BBX: variants seen among roughly 807,000 people sequenced by gnomAD.
BBX encodes the protein BBX high mobility group box domain containing.
BBX carries 30 observed loss-of-function variants against 100.2 expected under a neutral mutation model. That is an observed-to-expected ratio of 0.30 (90% confidence interval 0.22 to 0.41). The LOEUF (loss-of-function observed/expected upper bound fraction) is 0.41. Among genes scored for constraint, BBX ranks in the 10% least tolerant of loss-of-function variants. BBX has a pLI of 1.00. For missense variants in BBX, 1,023 were observed against 1,129.8 expected (o/e 0.91, Z 1.35); for synonymous variants, 376 against 388.1 (o/e 0.97, Z 0.37).
At chr3:107,529,502 C>T (rs1316231155) in intron 2 of BBX, among the ~76,000 whole-genome samples, 1 of 152,214 alleles carries the variant, frequency 6.6e-6, no homozygotes, top group East Asian at 1.9e-4. Flanking sequence ...CACTGAGCAA[C>T]ACTGCTATGA....
intron 7 of BBX, among the ~76,000 whole-genome samples, chr3:107,737,890 T>TTTTTTG (rs1448183534): frequency 1.5e-5 from 2 of 130,416 alleles, no homozygotes; most frequent in Admixed American, 8.3e-5. Context: ...TCCAGTTTTT[T>TTTTTTG]TTTTTTTTTT....
intron 2 of BBX, among the ~76,000 whole-genome samples, chr3:107,537,592 G>A (rs1192348270): frequency 6.6e-6 from 1 of 152,184 alleles, no homozygotes; most frequent in African/African-American, 2.4e-5. Flanking sequence ...TCTTCAATCT[G>A]TGCTTACAGT....
At chr3:107,633,786 A>G (rs2056691893) in intron 2 of BBX, among the ~76,000 whole-genome samples, 1 of 152,180 alleles carries the variant, frequency 6.6e-6, no homozygotes, top group Non-Finnish European at 1.5e-5. Context: ...CCACCATACA[A>G]AATTATGTCT....
chr3:107,624,800 C>T (rs2056053093), intron 2 of BBX, among the ~76,000 whole-genome samples: 1 of 152,120 alleles, frequency 6.6e-6, no homozygotes, highest in African/African-American at 2.4e-5. Flanking sequence ...ACCCGGGAGG[C>T]GGAGGTTGCA....
chr3:107,790,292 C>A (rs1189813952), intron 14 of BBX, among the ~76,000 whole-genome samples: 2 of 152,122 alleles, frequency 1.3e-5, no homozygotes. Context: ...TGTGAAAGTG[C>A]CCCCGTTTCT....
At chr3:107,757,913 GA>G (rs1406747806) in intron 10 of BBX, among the ~76,000 whole-genome samples, 1 of 152,150 alleles carries the variant, frequency 6.6e-6, no homozygotes, top group Admixed American at 6.5e-5. Flanking sequence ...AAGTCACCAA[GA>G]AACTACTTCC....
At chr3:107,750,542 T>G (rs56034100) in intron 9 of BBX, among the ~76,000 whole-genome samples, 2,649 of 152,268 alleles carry the variant, frequency 0.017, 71 homozygotes, top group African/African-American at 0.06. Flanking sequence ...GCTGTAAATG[T>G]TATATGTGTT....
intron 2 of BBX, among the ~76,000 whole-genome samples, chr3:107,613,937 C>A (rs2055041877): frequency 7.1e-6 from 1 of 140,442 alleles, no homozygotes. Flanking sequence ...GTCAACATAC[C>A]ATGGTTTTTT....
At chr3:107,612,546 G>T (rs1223454428) in intron 2 of BBX, among the ~76,000 whole-genome samples, 3 of 152,166 alleles carry the variant, frequency 2.0e-5, no homozygotes, top group Non-Finnish European at 2.9e-5. Flanking sequence ...AATTCTCTGG[G>T]TTAGCAGGCA....
intron 2 of BBX, among the ~76,000 whole-genome samples, chr3:107,551,467 G>T (rs1045621193): frequency 6.6e-6 from 1 of 152,172 alleles, no homozygotes; most frequent in Non-Finnish European, 1.5e-5. Flanking sequence ...TTTTGTTGGG[G>T]GAAGCATTCT....
At chr3:107,743,397 G>T (rs2064278012) in intron 7 of BBX, among the ~76,000 whole-genome samples, 1 of 152,156 alleles carries the variant, frequency 6.6e-6, no homozygotes. Context: ...TCCTTGGTGG[G>T]ACATTTGGCA....
intron 2 of BBX, among the ~76,000 whole-genome samples, chr3:107,589,077 C>A (rs561417385): frequency 6.6e-6 from 1 of 152,154 alleles, no homozygotes; most frequent in South Asian, 2.1e-4. Flanking sequence ...TCCATTTGAC[C>A]TTTTTTACAC....
rs1184397632 is a variant in BBX, at chr3:107,587,697, C to G, written c.-83-58139C>G. Among the ~76,000 whole-genome samples, 5 of 152,112 alleles carry G rather than the reference C, an allele frequency of 3.3e-5. 1 individual carries two copies. In the South Asian group the frequency reaches 1.0e-3, roughly 32 times the overall value. The stretch of plus-strand genomic sequence containing the variant: ...GATGCGGGCCCCAACTGAAATCATT[C>G]GAATTCATTTTCACCTTCACTGGGT... On this transcript the variant is annotated intron_variant, in intron 2 of 17. Coordinates refer to ENST00000325805, the MANE Select transcript of BBX (RefSeq NM_001142568.3).
At chr3:107,693,178 G>T (rs2060310229) in intron 3 of BBX, among the ~76,000 whole-genome samples, 1 of 150,716 alleles carries the variant, frequency 6.6e-6, no homozygotes, top group South Asian at 2.1e-4. Flanking sequence ...AGTTTCTTTT[G>T]CTGTGCAGAA....
intron 8 of BBX, among the ~76,000 whole-genome samples, chr3:107,745,932 A>G (rs1215215176): frequency 6.6e-6 from 1 of 152,130 alleles, no homozygotes; most frequent in East Asian, 1.9e-4. Context: ...TTCTAACAGC[A>G]TATCTAAGAT....
chr3:107,689,155 T>C (rs370315993), intron 3 of BBX, among the ~76,000 whole-genome samples: 8 of 152,254 alleles, frequency 5.3e-5, no homozygotes, highest in African/African-American at 1.9e-4. Context: ...GTAGTACATA[T>C]TTTAAAATCT....
intron 3 of BBX, among the ~76,000 whole-genome samples, chr3:107,690,891 C>CTTTTTT (rs1305340083): frequency 5.7e-4 from 41 of 72,308 alleles, no homozygotes; most frequent in Non-Finnish European, 9.0e-4. Context: ...TGCCCCCCCC[C>CTTTTTT]CTTTTTTTTT....
intron 3 of BBX, among the ~76,000 whole-genome samples, chr3:107,681,664 C>T: frequency 6.6e-6 from 1 of 152,048 alleles, no homozygotes; most frequent in East Asian, 1.9e-4. Flanking sequence ...TAAGCCTAAC[C>T]AGAGAAGTAA....
At chr3:107,548,659 A>G (rs2049420838) in intron 2 of BBX, among the ~76,000 whole-genome samples, 1 of 152,204 alleles carries the variant, frequency 6.6e-6, no homozygotes, top group South Asian at 2.1e-4. Context: ...AAGAAAAGTA[A>G]TTTGTTTTGT....
Sources: gnomAD v4.1 joint callset for allele counts (sites outside exome capture counted in the v4.1 genomes callset) on GRCh38, gnomAD v4.1.1 for gene constraint, MANE v1.5 for transcripts, NCBI Gene and HGNC (gene_info 2026-07-23, HGNC 2026-07-21) for gene names.